The following PID1 variants were observed in gnomAD, a reference collection of about 807,000 sequenced individuals.
PID1 encodes phosphotyrosine interaction domain containing 1.
PID1 carries 10 observed loss-of-function variants against 19.1 expected under a neutral mutation model. The observed-to-expected ratio is 0.52, with a 90% CI of 0.32 to 0.89. The LOEUF (loss-of-function observed/expected upper bound fraction) is 0.89. PID1 is among the 40% of genes least tolerant of loss of function. PID1 has a pLI of 0.03. For synonymous variants in PID1, 130 were observed against 116.0 expected, an observed-to-expected ratio of 1.12 and a Z score of -0.78; for missense variants, 248 against 285.3, an observed-to-expected ratio of 0.87 and a Z score of 0.94.
chr2:229,187,928 T>C (rs1020521450), intron 1 of PID1, among the ~76,000 whole-genome samples: 4 of 152,172 alleles, frequency 2.6e-5, no homozygotes, highest in Non-Finnish European at 4.4e-5. Flanking sequence ...CATCATCCGC[T>C]GAAATGACTC....
chr2:229,164,620 T>A (rs560617572), intron 1 of PID1, among the ~76,000 whole-genome samples: 65 of 152,342 alleles, frequency 4.3e-4, no homozygotes, highest in African/African-American at 1.5e-3. Flanking sequence ...TGAACAGGGA[T>A]GACCCTCCTA....
intron 1 of PID1, among the ~76,000 whole-genome samples, chr2:229,181,099 A>G (rs1690935367): frequency 1.3e-5 from 2 of 152,182 alleles, no homozygotes; most frequent in Non-Finnish European, 2.9e-5. Flanking sequence ...ACCTAACGAG[A>G]AACGCCCACA....
intron 2 of PID1, among the ~76,000 whole-genome samples, chr2:229,035,632 C>T (rs185659078): frequency 1.3e-5 from 2 of 152,150 alleles, no homozygotes; most frequent in East Asian, 1.9e-4. Context: ...CAGCTGGTCT[C>T]GGAAAAGTGA....
intron 1 of PID1, among the ~76,000 whole-genome samples, chr2:229,220,275 T>C (rs1691938582): frequency 6.6e-6 from 1 of 152,284 alleles, no homozygotes; most frequent in Non-Finnish European, 1.5e-5. Context: ...AACTGAGGCA[T>C]GGAAATGTTG....
At chr2:229,058,682 G>A (rs181337457) in intron 2 of PID1, among the ~76,000 whole-genome samples, 16 of 140,918 alleles carry the variant, frequency 1.1e-4, no homozygotes, top group Admixed American at 1.1e-3. Context: ...ATAAATTTGC[G>A]TTTGATCACA....
At chr2:229,038,389 G>T (rs186036856) in intron 2 of PID1, among the ~76,000 whole-genome samples, 2 of 152,206 alleles carry the variant, frequency 1.3e-5, no homozygotes, top group East Asian at 3.9e-4. Context: ...GAACAACTTG[G>T]ATGAATCTCT....
chr2:229,146,331 G>T (rs1003487915), intron 2 of PID1, among the ~76,000 whole-genome samples: 6 of 152,158 alleles, frequency 3.9e-5, no homozygotes, highest in Admixed American at 3.9e-4. Context: ...CTGTCAGGGG[G>T]TCAGGGGCAA....
At chr2:229,193,468 C>T (rs1364590992) in intron 1 of PID1, among the ~76,000 whole-genome samples, 1 of 152,126 alleles carries the variant, frequency 6.6e-6, no homozygotes, top group African/African-American at 2.4e-5. Flanking sequence ...CTAAAGCCAA[C>T]CCAAATTCAA....
At chr2:229,253,591 CAAAAAAA>C (rs59530496) in intron 1 of PID1, among the ~76,000 whole-genome samples, 1 of 128,502 alleles carries the variant, frequency 7.8e-6, no homozygotes, top group Non-Finnish European at 1.7e-5. Flanking sequence ...AAATTCCAAG[CAAAAAAA>C]AAAAAAAAAA....
At chr2:229,251,511 C>T (rs1316487269) in intron 1 of PID1, among the ~76,000 whole-genome samples, 1 of 151,964 alleles carries the variant, frequency 6.6e-6, no homozygotes, top group African/African-American at 2.4e-5. Context: ...ACTTGGTTTC[C>T]AATTTCTAAA....
chr2:229,166,546 A>G (rs1300290230), intron 1 of PID1, among the ~76,000 whole-genome samples: 1 of 152,200 alleles, frequency 6.6e-6, no homozygotes, highest in Non-Finnish European at 1.5e-5. Context: ...AAATTTGCTG[A>G]GTGGAACAGA....
chr2:229,237,511 C>T (rs1384956070), intron 1 of PID1, among the ~76,000 whole-genome samples: 1 of 151,176 alleles, frequency 6.6e-6, no homozygotes, highest in African/African-American at 2.4e-5. Context: ...TCACCTTGTA[C>T]AACAGAAAAA....
chr2:229,118,515 A>G (rs116580435), intron 2 of PID1, among the ~76,000 whole-genome samples: 61 of 152,308 alleles, frequency 4.0e-4, no homozygotes, highest in African/African-American at 1.4e-3. Context: ...CTACATCCTA[A>G]TCTTTCTTCT....
intron 1 of PID1, among the ~76,000 whole-genome samples, chr2:229,184,713 A>C (rs1299564225): frequency 3.5e-4 from 1 of 2,824 alleles, no homozygotes; most frequent in African/African-American, 2.2e-3. Flanking sequence ...CCGTATATAT[A>C]TATCCCGTAT....
At chr2:229,241,838 T>G (rs1689878051) in intron 1 of PID1, among the ~76,000 whole-genome samples, 1 of 152,118 alleles carries the variant, frequency 6.6e-6, no homozygotes, top group Non-Finnish European at 1.5e-5. Context: ...TATAACAAAA[T>G]GCTTACATAT....
chr2:229,163,301 C>T (rs1318421118), intron 1 of PID1, among the ~76,000 whole-genome samples: 1 of 152,148 alleles, frequency 6.6e-6, no homozygotes, highest in African/African-American at 2.4e-5. Flanking sequence ...ACCAATTTGG[C>T]ATTTATCTTC....
intron 2 of PID1, among the ~76,000 whole-genome samples, chr2:229,074,071 C>A (rs1043137450): frequency 6.6e-6 from 1 of 152,134 alleles, no homozygotes; most frequent in African/African-American, 2.4e-5. Flanking sequence ...ATAAGTCAAA[C>A]GGCTTACAAA....
chr2:229,212,923 TC>T (rs1691769723), intron 1 of PID1, among the ~76,000 whole-genome samples: 1 of 151,952 alleles, frequency 6.6e-6, no homozygotes, highest in East Asian at 1.9e-4. Flanking sequence ...CCCATCCCCA[TC>T]CCGTGACCCC....
At chr2:229,193,369 T>C (rs1691304013) in intron 1 of PID1, among the ~76,000 whole-genome samples, 1 of 152,164 alleles carries the variant, frequency 6.6e-6, no homozygotes, top group African/African-American at 2.4e-5. Flanking sequence ...CCGAAAGGTC[T>C]GGGAAGAAGC....
Sources: allele counts gnomAD v4.1 joint callset (sites outside exome capture counted in the v4.1 genomes callset), GRCh38; gene constraint gnomAD v4.1.1; transcripts MANE v1.5; gene names NCBI Gene and HGNC (gene_info 2026-07-23, HGNC 2026-07-21).